Variants in CLDN10 observed in about 807,000 individuals in gnomAD.
CLDN10 encodes claudin 10, also known as claudin-10.
CLDN10 carries 15 observed loss-of-function variants against 22.9 expected under a neutral mutation model. That is an observed-to-expected ratio of 0.65 (90% CI 0.44 to 1.01). The LOEUF is 1.01. Ranked by LOEUF, CLDN10 falls within the 50% of genes least tolerant of loss-of-function variation. The pLI is 0.00. For missense variants in CLDN10, 247 were observed against 287.8 expected (o/e 0.86, Z 1.03); for synonymous variants, 114 against 111.4 (o/e 1.02, Z -0.15).
At chr13:95,562,078 C>T (rs573577367) in intron 3 of CLDN10, among the ~76,000 whole-genome samples, 3 of 151,726 alleles carry the variant, frequency 2.0e-5, no homozygotes, top group Admixed American at 6.6e-5. Context: ...TACAGGCACG[C>T]ACCACCATGC....
intron 1 of CLDN10, among the ~76,000 whole-genome samples, chr13:95,469,869 C>A (rs1037751388): frequency 1.3e-5 from 2 of 151,968 alleles, no homozygotes; most frequent in African/African-American, 4.8e-5. Context: ...TTTTACTTGC[C>A]CAGGTGATAA....
intron 1 of CLDN10, among the ~76,000 whole-genome samples, chr13:95,470,239 T>A (rs1011991661): frequency 2.0e-5 from 3 of 152,192 alleles, no homozygotes; most frequent in Admixed American, 6.5e-5. Context: ...ACATCTGGTG[T>A]CCTTGTCCTT....
intron 1 of CLDN10, among the ~76,000 whole-genome samples, chr13:95,513,748 C>A (rs570374101): frequency 1.3e-5 from 2 of 152,204 alleles, no homozygotes; most frequent in East Asian, 3.9e-4. Flanking sequence ...TGAGATAGAC[C>A]TTTTCTCATG....
At chr13:95,481,806 G>T (rs1340736095) in intron 1 of CLDN10, among the ~76,000 whole-genome samples, 1 of 152,322 alleles carries the variant, frequency 6.6e-6, no homozygotes, top group East Asian at 1.9e-4. Flanking sequence ...GATCACCTGA[G>T]ATCAGGAGTT....
chr13:95,495,682 T>G (rs561970576), intron 1 of CLDN10, among the ~76,000 whole-genome samples: 162 of 145,194 alleles, frequency 1.1e-3, no homozygotes, highest in Admixed American at 2.3e-3. Context: ...AGGCGGAGCT[T>G]GCAGTGAGCC....
upstream of CLDN10, among the ~76,000 whole-genome samples, chr13:95,550,114 A>G (rs2043548387): frequency 6.6e-6 from 1 of 152,194 alleles, no homozygotes; most frequent in South Asian, 2.1e-4. Context: ...TTCTGGCTTC[A>G]CTGGTGTGGC....
rs577402592 is a variant in CLDN10, at chr13:95,444,098, C to T, written c.214+10051C>T. Among the ~76,000 whole-genome samples the T allele has an allele frequency of 1.1e-4, 17 of 152,296 alleles. No individual in the cohort carries two copies. The East Asian group carries it at 3.1e-3, about 28-fold the overall frequency. The stretch of plus-strand genomic sequence containing the variant: ...TTATCTCTCACAAGGTTCATAGCTC[C>T]TCTCCCTGCTCATTGCCCATCTGGC... On this transcript the variant is annotated intron_variant, in intron 1 of 4. Coordinates refer to the CLDN10 transcript ENST00000376873.
chr13:95,541,424 G>T (rs1233168966), intron 1 of CLDN10, among the ~76,000 whole-genome samples: 1 of 152,152 alleles, frequency 6.6e-6, no homozygotes, highest in African/African-American at 2.4e-5. Flanking sequence ...TTTCTCCCTG[G>T]TTCCCTCTCT....
At chr13:95,532,345 G>C (rs1022558332) in intron 1 of CLDN10, among the ~76,000 whole-genome samples, 1 of 152,032 alleles carries the variant, frequency 6.6e-6, no homozygotes, top group Non-Finnish European at 1.5e-5. Context: ...ATTTGGACAG[G>C]CACTTCACAA....
At chr13:95,511,718 G>A (rs2043100895) in intron 1 of CLDN10, among the ~76,000 whole-genome samples, 2 of 138,658 alleles carry the variant, frequency 1.4e-5, no homozygotes, top group East Asian at 2.3e-4. Flanking sequence ...ACAAGGCTAA[G>A]ACCAATGATA....
chr13:95,471,260 C>T (rs2042628271), intron 1 of CLDN10, among the ~76,000 whole-genome samples: 1 of 151,818 alleles, frequency 6.6e-6, no homozygotes. Flanking sequence ...CGAGATGACT[C>T]AAGCGAGGAA....
chr13:95,518,599 T>A (rs1373880351), intron 1 of CLDN10, among the ~76,000 whole-genome samples: 1 of 152,058 alleles, frequency 6.6e-6, no homozygotes, highest in South Asian at 2.1e-4. Context: ...CTACTAAAAA[T>A]ACAAAAATTA....
chr13:95,530,769 A>G (rs527512023), intron 1 of CLDN10, among the ~76,000 whole-genome samples: 1 of 152,232 alleles, frequency 6.6e-6, no homozygotes, highest in South Asian at 2.1e-4. Context: ...ACAATACCTT[A>G]TTATAATAGG....
At chr13:95,470,782 T>G (rs998575544) in intron 1 of CLDN10, among the ~76,000 whole-genome samples, 9 of 152,160 alleles carry the variant, frequency 5.9e-5, no homozygotes, top group African/African-American at 2.2e-4. Flanking sequence ...CTGTTACTGA[T>G]ACCCCCTCCC....
chr13:95,460,989 G>A (rs895068506), intron 1 of CLDN10, among the ~76,000 whole-genome samples: 2 of 152,114 alleles, frequency 1.3e-5, no homozygotes, highest in African/African-American at 4.8e-5. Context: ...GTGCACACCT[G>A]TAATCCCAGC....
intron 1 of CLDN10, among the ~76,000 whole-genome samples, chr13:95,497,430 C>T (rs1357631581): frequency 6.6e-6 from 1 of 152,126 alleles, no homozygotes; most frequent in African/African-American, 2.4e-5. Context: ...CCACTGAGCT[C>T]AGTGCCAGGA....
chr13:95,575,566 A>G (rs1325042084), intron 3 of CLDN10, among the ~76,000 whole-genome samples: 2 of 135,206 alleles, frequency 1.5e-5, no homozygotes, highest in Non-Finnish European at 3.3e-5. Context: ...CTCTTTTTTC[A>G]CCTGTGGACT....
At chr13:95,488,593 C>T (rs1056940414) in intron 1 of CLDN10, among the ~76,000 whole-genome samples, 1 of 152,172 alleles carries the variant, frequency 6.6e-6, no homozygotes, top group Non-Finnish European at 1.5e-5. Flanking sequence ...TTAGCTCCCA[C>T]ATATCAGTGA....
At chr13:95,559,402 T>C (rs1208784002) in intron 1 of CLDN10, among the ~76,000 whole-genome samples, 1 of 152,214 alleles carries the variant, frequency 6.6e-6, no homozygotes, top group African/African-American at 2.4e-5. Flanking sequence ...GTTAGGGTAC[T>C]TTAAAGGCAT....
Sources: allele counts gnomAD v4.1 joint callset (sites outside exome capture counted in the v4.1 genomes callset), GRCh38; gene constraint gnomAD v4.1.1; transcripts MANE v1.5; gene names NCBI Gene and HGNC (gene_info 2026-07-23, HGNC 2026-07-21).